The following CD3G variants were observed in gnomAD, a reference collection of about 807,000 sequenced individuals.
The protein encoded by CD3G is T-cell surface glycoprotein CD3 gamma chain.
Under a neutral mutation model 28.3 loss-of-function variants are expected in CD3G, and 24 were observed. The ratio of observed to expected loss-of-function variants is 0.85; its 90% CI spans 0.61 to 1.19. The LOEUF (loss-of-function observed/expected upper bound fraction) is 1.19. Ranked by LOEUF, CD3G falls within the 50% of genes most tolerant of loss-of-function variation. The probability of loss-of-function intolerance (pLI) is 0.00; values close to 1 mark genes in which losing one functional copy is unlikely to be tolerated. For synonymous variants in CD3G, 71 were observed against 75.9 expected (o/e 0.93, Z 0.34); for missense variants, 211 against 210.0 (o/e 1.00, Z -0.03).
chr11:118,350,681 G>C lies in CD3G; in HGVS notation c.437G>C (p.Arg146Thr), dbSNP rs916908630. Residue 146 changes from arginine (R) to threonine (T), a missense_variant and splice_region_variant, in exon 4 of 7, where the codon AGA (arginine) becomes ACA (threonine). Arg to Thr is a moderately conservative substitution (Grantham distance 71). Coordinates refer to ENST00000532917, the MANE Select transcript of CD3G (RefSeq NM_000073.3). ...GGACAGGATGGAGTTCGCCAGTCGA[G>C]AGGTAAAAGAATGCTCTTAGATGAG... ...IAGQDGVRQS[R>T]ASDKQTLLPN... 7 of 1,613,716 alleles carry C rather than the reference G, an allele frequency of 4.3e-6. No individual in the cohort carries two copies. The highest frequency in any genetic ancestry group is 1.3e-5 in the African/African-American group (1 of 74,832).
Position 118,349,891 on chromosome 11 carries a change from T to A in CD3G, c.228T>A (p.Ser76Arg). 6.2e-7 allele frequency: 1 copy of A among 1,614,122 alleles called. No individual in the cohort carries two copies. The highest frequency in any genetic ancestry group is 8.5e-7 in the Non-Finnish European group (1 of 1,180,012). The change falls in exon 3 of 7, where the codon AGT (serine) becomes AGA (arginine). Residue 76 changes from serine to arginine, a missense_variant. Physicochemically the swap from Ser to Arg is moderately radical, Grantham distance 110. Transcript: ENST00000532917. ...ATAAAAAAAAATGGAATCTGGGAAGTAATGCCAAGGACCCTCGAGGGATGT... is the reference window on the plus strand; with the variant it reads ...ATAAAAAAAAATGGAATCTGGGAAGAAATGCCAAGGACCCTCGAGGGATGT... ...TEDKKKWNLGSNAKDPRGMYQ... is the reference protein window; with the variant it reads ...TEDKKKWNLGRNAKDPRGMYQ...
Position 118,349,799 on chromosome 11 carries a change from T to G in CD3G, c.136T>G (p.Cys46Gly). The change falls in exon 3 of 7, where the codon TGT becomes GGT. Residue 46 changes from cysteine (C) to glycine (G), a missense_variant. Cys to Gly is a radical substitution (Grantham distance 159). Coordinates refer to ENST00000532917, the MANE Select transcript of CD3G (RefSeq NM_000073.3). ...YQEDGSVLLTCDAEAKNITWF... is the reference protein window; with the variant it reads ...YQEDGSVLLTGDAEAKNITWF... Reference sequence around the variant, plus strand: ...AGAAGATGGTTCGGTACTTCTGACTTGTGATGCAGAAGCCAAAAATATCAC... The same window carrying G: ...AGAAGATGGTTCGGTACTTCTGACTGGTGATGCAGAAGCCAAAAATATCAC... The G allele has an allele frequency of 6.2e-7, 1 of 1,614,142 alleles. No homozygotes were observed.
rs909259057 is a variant in CD3G, at chr11:118,349,438, T to C, written c.80-305T>C. The C allele has an allele frequency of 1.5e-5, 10 of 673,524 alleles. No homozygotes were observed. The African/African-American group carries it at 1.6e-4, about 11-fold the overall frequency. 41.7% of individuals were successfully genotyped at this position (673,524 alleles called of 1,614,324 possible). On this transcript the variant is annotated intron_variant, in intron 2 of 6. Coordinates refer to ENST00000532917, the MANE Select transcript of CD3G (RefSeq NM_000073.3). ...TATGCTGTTAGCAGTTTCTTACCTG[T>C]ATAGTATCTTCCAAATAACATGCCC...
intron 1 of CD3G, among the ~76,000 whole-genome samples, chr11:118,347,792 T>G (rs1238361648): frequency 1.3e-5 from 2 of 152,134 alleles, no homozygotes; most frequent in Non-Finnish European, 2.9e-5. Flanking sequence ...CTAATTTTTT[T>G]GTATTGTCTG....
In CD3G at chr11:118,352,451, C is replaced by G. The variant is rs201659129; in HGVS notation, c.531C>G (p.Asn177Lys). Residue 177 changes from asparagine to lysine, a missense_variant, in exon 6 of 7, where the codon AAC (asparagine) becomes AAG (lysine). Transcript: ENST00000532917. ...EDDQYSHLQG[N>K]QLRRN is the part of the protein sequence containing the mutation. ...ACCAGTACAGCCACCTTCAAGGAAACCAGTTGAGGAGGAATTGAACTCAGG... is the reference window on the plus strand; with the variant it reads ...ACCAGTACAGCCACCTTCAAGGAAAGCAGTTGAGGAGGAATTGAACTCAGG... The G allele has an allele frequency of 1.9e-6, 3 of 1,613,958 alleles. No homozygotes were observed. Among genetic ancestry groups the G allele is most frequent in the Non-Finnish European group, 2.5e-6 (3 of 1,179,856 alleles).
chr11:118,346,112 T>C (rs538545833), intron 1 of CD3G, among the ~76,000 whole-genome samples: 1 of 152,224 alleles, frequency 6.6e-6, no homozygotes, highest in South Asian at 2.1e-4. Context: ...TCCTCCACTG[T>C]CTGGGAGTTC....
chr11:118,351,506 G>A lies in CD3G; in HGVS notation c.440-122G>A, dbSNP rs560480428. 3.4e-6 allele frequency: 3 copies of A among 871,212 alleles called. No individual in the cohort carries two copies. In the East Asian group the frequency reaches 7.6e-5, roughly 22 times the overall value. The allele number at this position is 871,212 out of a possible 1,614,324, so 54.0% of individuals were successfully genotyped here. A position where few individuals can be genotyped will look rare whatever the true frequency, so the allele number is the denominator to read the frequency against. On this transcript the variant is annotated intron_variant, in intron 4 of 6. Transcript: ENST00000532917. ...CTTTCACTCAACAACATGTTTATGT[G>A]CTTTATCCATACTCTTGTGTATATA...
rs1196242429 is a variant in CD3G, at chr11:118,353,272, T to C, written c.*172T>C. 1 of 152,010 alleles carries C rather than the reference T, an allele frequency of 6.6e-6. No homozygotes were observed. Among genetic ancestry groups the C allele is most frequent in the African/African-American group, 2.4e-5 (1 of 41,386 alleles). The allele number at this position is 152,010 out of a possible 1,614,324, so 9.4% of individuals were successfully genotyped here. A position where few individuals can be genotyped will look rare whatever the true frequency, so the allele number is the denominator to read the frequency against. Reference sequence around the variant, plus strand: ...CCATCAGAGCAAATTTGGGGGTTTCTCAAATAAAATAAAAATAAAAACAAA... The same window carrying C: ...CCATCAGAGCAAATTTGGGGGTTTCCCAAATAAAATAAAAATAAAAACAAA... On this transcript the variant is annotated 3_prime_UTR_variant, in exon 7 of 7. Transcript: ENST00000532917.
chr11:118,347,415 A>G (rs1054818055), intron 1 of CD3G, among the ~76,000 whole-genome samples: 1 of 152,166 alleles, frequency 6.6e-6, no homozygotes, highest in Non-Finnish European at 1.5e-5. Context: ...TTAATTGCAT[A>G]TATGTTTTAA....
At chr11:118,348,145 T>C (rs559103986) in intron 1 of CD3G, among the ~76,000 whole-genome samples, 1 of 152,202 alleles carries the variant, frequency 6.6e-6, no homozygotes, top group East Asian at 1.9e-4. Flanking sequence ...TATACTACAA[T>C]ACAATTCTGA....
intron 2 of CD3G, chr11:118,349,516 T>C: frequency 1.6e-6 from 1 of 619,548 alleles, no homozygotes; most frequent in African/African-American, 1.8e-5. Context: ...CTTTTATTCT[T>C]CACCCCCTGA....
intron 1 of CD3G, among the ~76,000 whole-genome samples, chr11:118,344,734 G>A (rs929751482): frequency 1.3e-5 from 2 of 152,186 alleles, no homozygotes; most frequent in African/African-American, 4.8e-5. Context: ...CCCTGTTACC[G>A]CCATCTTAGA....
At chr11:118,347,594 A>G (rs915445882) in intron 1 of CD3G, among the ~76,000 whole-genome samples, 17 of 152,220 alleles carry the variant, frequency 1.1e-4, no homozygotes, top group South Asian at 1.0e-3. Context: ...TATGTCTACC[A>G]TGCAACTCTA....
Position 118,354,835 on chromosome 11 carries a change from T to C in CD3G, c.*1735T>C, listed in dbSNP as rs1948437150. ...ATTTGTTTGTCTTCTTACTATTGGGTTGCATATGTTTTTGATATAAGTCCT... is the reference window on the plus strand; with the variant it reads ...ATTTGTTTGTCTTCTTACTATTGGGCTGCATATGTTTTTGATATAAGTCCT... On this transcript the variant is annotated 3_prime_UTR_variant, in exon 7 of 7. Transcript: ENST00000532917. The C allele has an allele frequency of 6.6e-6, 1 of 152,200 alleles. No individual in the cohort carries two copies. The highest frequency in any genetic ancestry group is 2.4e-5 in the African/African-American group (1 of 41,444). The allele number at this position is 152,200 out of a possible 1,614,324, so 9.4% of individuals were successfully genotyped here. A position where few individuals can be genotyped will look rare whatever the true frequency, so the allele number is the denominator to read the frequency against.
At position 118,350,915 on chromosome 11, in the gene CD3G, G is replaced by A. The variant is rs1219134774; in HGVS notation, c.439+232G>A. The A allele has an allele frequency of 2.8e-4, 320 of 1,140,780 alleles. 14 individuals carry two copies. The highest frequency in any genetic ancestry group is 2.5e-4 in the Non-Finnish European group (230 of 902,454). 70.7% of individuals were successfully genotyped at this position (1,140,780 alleles called of 1,614,324 possible). On this transcript the variant is annotated intron_variant, in intron 4 of 6. Coordinates refer to ENST00000532917, the MANE Select transcript of CD3G (RefSeq NM_000073.3). ...AAAAAAAAAAAAAACAAAAACAGGC[G>A]CAGTGGCTCACGCCTGTAATCACAA... is the stretch of plus-strand genomic sequence containing the variant.
rs186481374 is a variant in CD3G, at chr11:118,354,476, G to A, written c.*1376G>A. 6 of 150,430 alleles carry A rather than the reference G, an allele frequency of 4.0e-5. No homozygotes were observed. In the Admixed American group the frequency reaches 4.0e-4, roughly 10 times the overall value. 9.3% of individuals were successfully genotyped at this position (150,430 alleles called of 1,614,324 possible). On this transcript the variant is annotated 3_prime_UTR_variant, in exon 7 of 7. Coordinates refer to ENST00000532917, the MANE Select transcript of CD3G (RefSeq NM_000073.3). The stretch of plus-strand genomic sequence containing the variant: ...TGCCACCACGCCCAGCTCATTTTTT[G>A]TGTATTTAGTATTTGTGTATCTAGT...
chr11:118,344,957 C>T (rs1200969499), intron 1 of CD3G, among the ~76,000 whole-genome samples: 1 of 152,222 alleles, frequency 6.6e-6, no homozygotes, highest in Non-Finnish European at 1.5e-5. Flanking sequence ...CTCTACAGAA[C>T]TCATAGTCTC....
intron 4 of CD3G, chr11:118,350,907 A>AAAAAAAAAAAAAAAAAAC (rs1948403712): frequency 7.8e-7 from 1 of 1,285,902 alleles, no homozygotes; most frequent in African/African-American, 1.5e-5. Context: ...AAAAAAACAA[A>AAAAAAAAAAAAAAAAAAC]AACAGGCGCA....
At chr11:118,352,542 A>C (rs1047357448) in intron 6 of CD3G, 55 bp downstream of exon 6, 2 of 1,153,796 alleles carry the variant, frequency 1.7e-6, no homozygotes, top group African/African-American at 4.0e-5. Flanking sequence ...CTGCCCTCGC[A>C]ATTGCTTCTA....
Sources: gnomAD v4.1 joint callset for allele counts (sites outside exome capture counted in the v4.1 genomes callset) on GRCh38, gnomAD v4.1.1 for gene constraint, MANE v1.5 for transcripts, NCBI Gene and HGNC (gene_info 2026-07-23, HGNC 2026-07-21) for gene names.